Variants in PAK1 observed in about 807,000 individuals in gnomAD.
PAK1 encodes serine/threonine-protein kinase PAK 1.
Under a neutral mutation model 67.4 loss-of-function variants are expected in PAK1, and 29 were observed. The ratio of observed to expected loss-of-function variants is 0.43; its 90% CI spans 0.32 to 0.59. PAK1 has a LOEUF of 0.59. PAK1 is among the 20% of genes least tolerant of loss of function. PAK1 has a pLI of 0.07. For synonymous variants in PAK1, 223 were observed against 237.4 expected, an observed-to-expected ratio of 0.94 and a Z score of 0.56; for missense variants, 337 against 670.7, an observed-to-expected ratio of 0.50 and a Z score of 5.50.
intron 1 of PAK1, among the ~76,000 whole-genome samples, chr11:77,471,362 G>T (rs1429025821): frequency 6.6e-6 from 1 of 152,150 alleles, no homozygotes; most frequent in Non-Finnish European, 1.5e-5. Context: ...TTAAAGAAAA[G>T]AAATTCACAG....
intron 9 of PAK1, chr11:77,346,893 C>T: frequency 2.5e-6 from 1 of 406,212 alleles, no homozygotes; most frequent in South Asian, 1.9e-5. Flanking sequence ...TTCTATTGTA[C>T]ACATTCTCTC....
At chr11:77,429,206 T>C (rs559247975) in intron 1 of PAK1, among the ~76,000 whole-genome samples, 1 of 150,358 alleles carries the variant, frequency 6.7e-6, no homozygotes, top group African/African-American at 2.4e-5. Context: ...GATAGGGACA[T>C]ATCAAAAGTT....
At chr11:77,370,286 G>A (rs896115860) in intron 5 of PAK1, among the ~76,000 whole-genome samples, 3 of 150,698 alleles carry the variant, frequency 2.0e-5, no homozygotes, top group African/African-American at 7.4e-5. Flanking sequence ...TTATATCTGC[G>A]GTAGAATTTT....
rs982681085 is a variant in PAK1, at chr11:77,455,293, A to C, written c.-22+18259T>G. Among the ~76,000 whole-genome samples, 57 of 109,698 alleles carry C rather than the reference A, an allele frequency of 5.2e-4. 1 individual carries two copies. The highest frequency in any genetic ancestry group is 4.1e-3 in the Middle Eastern group (1 of 242). The allele number at this position is 109,698 out of a possible 152,430, so 72.0% of individuals were successfully genotyped here. ...ACTCCTTTCTAGCCTAGTAGGCACT[A>C]CAGAGGTTGAAAAAAAAAAAAAACA... On this transcript the variant is annotated intron_variant, in intron 1 of 14. Coordinates refer to ENST00000356341, the MANE Select transcript of PAK1 (RefSeq NM_002576.5).
At chr11:77,495,152 ACT>A in the PAK1 span, among the ~76,000 whole-genome samples, 1 of 148,472 alleles carries the variant, frequency 6.7e-6, no homozygotes, top group African/African-American at 2.5e-5. Context: ...ACAGAGTGAG[ACT>A]CTGTCTCAAA....
chr11:77,452,941 C>T (rs929820036), intron 1 of PAK1, among the ~76,000 whole-genome samples: 3 of 152,182 alleles, frequency 2.0e-5, no homozygotes, highest in African/African-American at 7.2e-5. Context: ...TAACTAAATC[C>T]CATCAGATCT....
intron 5 of PAK1, among the ~76,000 whole-genome samples, chr11:77,368,926 A>T (rs1260060513): frequency 6.6e-6 from 1 of 152,284 alleles, no homozygotes; most frequent in Admixed American, 6.5e-5. Context: ...TGATGTTACT[A>T]TTTGGTATTT....
At chr11:77,520,482 T>C in the PAK1 span, among the ~76,000 whole-genome samples, 2 of 152,152 alleles carry the variant, frequency 1.3e-5, no homozygotes, top group Admixed American at 6.5e-5. Flanking sequence ...CTTTTACCTG[T>C]TTGCACAGGG....
upstream of PAK1, among the ~76,000 whole-genome samples, chr11:77,479,427 G>GA (rs2135631869): frequency 6.6e-6 from 1 of 152,118 alleles, no homozygotes; most frequent in Admixed American, 6.5e-5. Flanking sequence ...CTGAGACATA[G>GA]AAAACTTATA....
At chr11:77,477,794 C>A (rs1465531522), upstream of PAK1, among the ~76,000 whole-genome samples, 1 of 152,064 alleles carries the variant, frequency 6.6e-6, no homozygotes, top group African/African-American at 2.4e-5. Context: ...CACAGTGATT[C>A]ATGCCTGTAA....
intron 2 of PAK1, among the ~76,000 whole-genome samples, chr11:77,391,783 TA>T (rs1951174081): frequency 6.6e-6 from 1 of 152,180 alleles, no homozygotes; most frequent in African/African-American, 2.4e-5. Context: ...GTTTTATCAA[TA>T]AAAAGGAAAT....
rs370870320 is a variant in PAK1, at chr11:77,387,751, A to G, written c.190+4580T>C. Among the ~76,000 whole-genome samples, 10 of 152,262 alleles carry G rather than the reference A, an allele frequency of 6.6e-5. No homozygotes were observed. In the East Asian group the frequency reaches 1.9e-3, roughly 29 times the overall value. On this transcript the variant is annotated intron_variant, in intron 2 of 14. Coordinates refer to ENST00000356341, the MANE Select transcript of PAK1 (RefSeq NM_002576.5). ...TATTGGAATGAAATTTAAAAAATAA[A>G]TCAGAGTTAACAAATGTCAGTGGCT...
At chr11:77,443,233 T>A (rs1175533018) in intron 1 of PAK1, among the ~76,000 whole-genome samples, 1 of 150,704 alleles carries the variant, frequency 6.6e-6, no homozygotes, top group East Asian at 2.0e-4. Flanking sequence ...GAGAATCACT[T>A]GAACCCAGGA....
chr11:77,393,929 G>A (rs950651033), intron 1 of PAK1, among the ~76,000 whole-genome samples: 1 of 152,162 alleles, frequency 6.6e-6, no homozygotes, highest in African/African-American at 2.4e-5. Flanking sequence ...CCTGAACATG[G>A]GAGGCAAAGG....
chr11:77,435,800 G>A (rs1346720080), intron 1 of PAK1, among the ~76,000 whole-genome samples: 3 of 151,648 alleles, frequency 2.0e-5, no homozygotes, highest in Non-Finnish European at 4.4e-5. Context: ...AAGCCACTGC[G>A]CCCGGCCCAC....
the PAK1 span, among the ~76,000 whole-genome samples, chr11:77,484,068 T>A: frequency 6.6e-6 from 1 of 152,076 alleles, no homozygotes; most frequent in African/African-American, 2.4e-5. Flanking sequence ...CCAAGTGCTT[T>A]ATTAGAAAGG....
intron 9 of PAK1, among the ~76,000 whole-genome samples, chr11:77,347,244 C>G (rs1046740678): frequency 5.3e-5 from 8 of 152,168 alleles, no homozygotes; most frequent in African/African-American, 1.9e-4. Context: ...TTCCAGGAAC[C>G]ACCATCATCA....
chr11:77,447,112 T>C (rs995698074), intron 1 of PAK1, among the ~76,000 whole-genome samples: 2 of 152,182 alleles, frequency 1.3e-5, no homozygotes, highest in African/African-American at 4.8e-5. Flanking sequence ...GTTACCTTTC[T>C]ATAACACATC....
At chr11:77,383,287 T>C (rs1950064341) in intron 2 of PAK1, among the ~76,000 whole-genome samples, 1 of 151,520 alleles carries the variant, frequency 6.6e-6, no homozygotes, top group Non-Finnish European at 1.5e-5. Context: ...AACGGGGAAA[T>C]CTAGGTGGCA....
Sources: allele counts gnomAD v4.1 joint callset (sites outside exome capture counted in the v4.1 genomes callset), GRCh38; gene constraint gnomAD v4.1.1; transcripts MANE v1.5; gene names NCBI Gene and HGNC (gene_info 2026-07-23, HGNC 2026-07-21).